Variants in FBXO8 observed in about 807,000 individuals in gnomAD.
FBXO8 encodes F-box protein 8.
A neutral mutation model predicts 33.4 loss-of-function variants in FBXO8; 15 were observed. The ratio of observed to expected loss-of-function variants is 0.45; its 90% confidence interval spans 0.30 to 0.69. The LOEUF is 0.69. Ranked by LOEUF, FBXO8 falls within the 30% of genes least tolerant of loss-of-function variation. FBXO8 has a pLI of 0.08. For missense variants in FBXO8, 274 were observed against 380.3 expected, an observed-to-expected ratio of 0.72 and a Z score of 2.32; for synonymous variants, 132 against 131.5, an observed-to-expected ratio of 1.00 and a Z score of -0.02.
At position 174,278,976 on chromosome 4, in the gene FBXO8, C is replaced by T. The variant is rs1028957895; in HGVS notation, c.-9+4434G>A. 2.0e-5 allele frequency among the ~76,000 whole-genome samples: 3 copies of T among 152,028 alleles called. No homozygotes were observed. The highest frequency in any genetic ancestry group is 7.2e-5 in the African/African-American group (3 of 41,416). On this transcript the variant is annotated intron_variant, in intron 1 of 5. Transcript: ENST00000393674. This position sits in a 1 kb window ranked among gnomAD's most constrained non-coding sequence, Gnocchi z 4.1. ...CACTAAAATTTTGAGGTCTCAGTTTCCTCCCCTGTAAAATAAGGGTTTTGA... is the reference window on the plus strand; with the variant it reads ...CACTAAAATTTTGAGGTCTCAGTTTTCTCCCCTGTAAAATAAGGGTTTTGA...
intron 3 of FBXO8, among the ~76,000 whole-genome samples, chr4:174,243,730 C>A (rs149979502): frequency 6.8e-4 from 103 of 151,156 alleles, no homozygotes; most frequent in African/African-American, 2.2e-3. Flanking sequence ...AGTGACTAGT[C>A]AGGACTAGAA....
At chr4:174,269,732 G>A (rs1229409164) in intron 1 of FBXO8, among the ~76,000 whole-genome samples, 1 of 150,710 alleles carries the variant, frequency 6.6e-6, no homozygotes, top group East Asian at 1.9e-4. Context: ...TGAAGATTTA[G>A]ATACTATTTA....
Position 174,262,805 on chromosome 4 carries a change from A to C in FBXO8, c.288T>G (p.Cys96Trp). Residue 96 changes from cysteine (C) to tryptophan (W), a missense_variant, in exon 2 of 6, where the codon TGT becomes TGG. Cys to Trp is a radical substitution (Grantham distance 215). Coordinates refer to ENST00000393674, the MANE Select transcript of FBXO8 (RefSeq NM_012180.3). The surrounding 1 kb of genome is among the most constrained non-coding windows in gnomAD (Gnocchi z 4.6). ...LNATDLCLAS[C>W]VWQDLANDEL... Reference sequence around the variant, plus strand: ...CATCATTCGCAAGGTCCTGCCAAACACATGAAGCCAAGCAAAGGTCAGTTG... The same window carrying C: ...CATCATTCGCAAGGTCCTGCCAAACCCATGAAGCCAAGCAAAGGTCAGTTG... The C allele has an allele frequency of 6.2e-7, 1 of 1,614,002 alleles. No individual in the cohort carries two copies. Among genetic ancestry groups the C allele is most frequent in the Non-Finnish European group, 8.5e-7 (1 of 1,179,908 alleles).
intron 3 of FBXO8, among the ~76,000 whole-genome samples, chr4:174,246,472 C>G (rs1454514776): frequency 6.6e-6 from 1 of 151,568 alleles, no homozygotes; most frequent in Non-Finnish European, 1.5e-5. Context: ...AGGCTGAAAT[C>G]CAAGAAGAAA....
At position 174,261,528 on chromosome 4, in the gene FBXO8, T is replaced by C. The variant is rs998284214; in HGVS notation, c.329+1236A>G. Among the ~76,000 whole-genome samples the C allele has an allele frequency of 1.3e-5, 2 of 151,986 alleles. No individual in the cohort carries two copies. Among genetic ancestry groups the C allele is most frequent in the Non-Finnish European group, 2.9e-5 (2 of 67,852 alleles). ...AATGTAGAAAAGAGATTAGAAAGAA[T>C]GAGCCAGTTTAAAAGTACTTTCATT... is the stretch of plus-strand genomic sequence containing the variant. On this transcript the variant is annotated intron_variant, in intron 2 of 5. Transcript: ENST00000393674. The surrounding 1 kb of genome is among the most constrained non-coding windows in gnomAD (Gnocchi z 4.1).
At chr4:174,242,420 A>G (rs752988989) in intron 3 of FBXO8, among the ~76,000 whole-genome samples, 17 of 151,604 alleles carry the variant, frequency 1.1e-4, no homozygotes, top group Non-Finnish European at 1.9e-4. Flanking sequence ...ATAATTATCT[A>G]TAAGTTGTAA....
intron 4 of FBXO8, among the ~76,000 whole-genome samples, chr4:174,240,450 C>T (rs902814308): frequency 2.0e-5 from 3 of 151,642 alleles, no homozygotes; most frequent in Admixed American, 1.3e-4. Context: ...TACATTAGCA[C>T]GAGAGCTATA....
chr4:174,269,808 A>G (rs577669853), intron 1 of FBXO8, among the ~76,000 whole-genome samples: 5 of 152,350 alleles, frequency 3.3e-5, no homozygotes, highest in African/African-American at 1.2e-4. Flanking sequence ...GAACTCCTTT[A>G]TAAATTGGAT....
In FBXO8 at chr4:174,265,379, C is replaced by T. The variant is rs1736671067; in HGVS notation, c.-8-2279G>A. ...ACCTAATTAAAAGCTTATGTCCACACAAAAACCTACACGTGAATGTTTAAA... is the reference window on the plus strand; with the variant it reads ...ACCTAATTAAAAGCTTATGTCCACATAAAAACCTACACGTGAATGTTTAAA... On this transcript the variant is annotated intron_variant, in intron 1 of 5. Transcript: ENST00000393674. This position sits in a 1 kb window ranked among gnomAD's most constrained non-coding sequence, Gnocchi z 4.7. 1.3e-5 allele frequency among the ~76,000 whole-genome samples: 2 copies of T among 151,642 alleles called. No individual in the cohort carries two copies. The highest frequency in any genetic ancestry group is 2.4e-5 in the African/African-American group (1 of 41,248).
rs993957008 is a variant in FBXO8 at position 174,278,998 on chromosome 4, T to C, written c.-9+4412A>G. On this transcript the variant is annotated intron_variant, in intron 1 of 5. Transcript: ENST00000393674. This position sits in a 1 kb window ranked among gnomAD's most constrained non-coding sequence, Gnocchi z 4.1. ...TTTCCTCCCCTGTAAAATAAGGGTT[T>C]TGAAACTGGTGTTCCCTAAGGTCTT... Among the ~76,000 whole-genome samples the C allele has an allele frequency of 6.6e-6, 1 of 152,040 alleles. No individual in the cohort carries two copies. Among genetic ancestry groups the C allele is most frequent in the Non-Finnish European group, 1.5e-5 (1 of 67,926 alleles).
chr4:174,276,284 C>A (rs1259184736), intron 1 of FBXO8, among the ~76,000 whole-genome samples: 1 of 152,160 alleles, frequency 6.6e-6, no homozygotes, highest in Non-Finnish European at 1.5e-5. Context: ...GTTGCCCAGG[C>A]TGGAGTGCAG....
At chr4:174,266,269 G>T (rs1179315276) in intron 1 of FBXO8, among the ~76,000 whole-genome samples, 1 of 152,046 alleles carries the variant, frequency 6.6e-6, no homozygotes, top group African/African-American at 2.4e-5. Flanking sequence ...ATAATAATGG[G>T]GAGGTTGGAG....
At chr4:174,268,731 C>G (rs956366312) in intron 1 of FBXO8, among the ~76,000 whole-genome samples, 1 of 152,158 alleles carries the variant, frequency 6.6e-6, no homozygotes, top group African/African-American at 2.4e-5. Flanking sequence ...CCACCGCGCC[C>G]GGCCGGGGGC....
chr4:174,263,083 C>T lies in FBXO8; in HGVS notation c.10G>A (p.Gly4Arg), dbSNP rs1579031199. The stretch of plus-strand genomic sequence containing the variant: ...TGGTTTCTGACCACTCTCCACAACC[C>T]TTGACCCATCTGCAAGCCTGGGAAA... The part of the protein sequence containing the change: MGQ[G>R]LWRVVRNQQL... Residue 4 changes from glycine to arginine, a missense_variant, in exon 2 of 6, where the codon GGG becomes AGG. Gly to Arg is a moderately radical substitution (Grantham distance 125, BLOSUM62 -2). Transcript: ENST00000393674. The surrounding 1 kb of genome is among the most constrained non-coding windows in gnomAD (Gnocchi z 4.2). 1.9e-6 allele frequency: 3 copies of T among 1,611,564 alleles called. No individual in the cohort carries two copies. Among genetic ancestry groups the T allele is most frequent in the South Asian group, 1.1e-5 (1 of 91,048 alleles).
Position 174,245,132 on chromosome 4 carries a change from G to T in FBXO8, c.457-3914C>A, listed in dbSNP as rs953220392. 2.6e-5 allele frequency among the ~76,000 whole-genome samples: 4 copies of T among 151,828 alleles called. No individual in the cohort carries two copies. The highest frequency in any genetic ancestry group is 5.9e-5 in the Non-Finnish European group (4 of 67,842). On this transcript the variant is annotated intron_variant, in intron 3 of 5. Transcript: ENST00000393674. This position sits in a 1 kb window ranked among gnomAD's most constrained non-coding sequence, Gnocchi z 4.6. The stretch of plus-strand genomic sequence containing the variant: ...GATAGACACTGAGTAGTGTAACACA[G>T]AGTTTTGCCCTAAGAAAATTTAAAG...
chr4:174,239,303 G>C (rs965506573), intron 4 of FBXO8, 113 bp from the exon 5 acceptor site: 2 of 551,256 alleles, frequency 3.6e-6, no homozygotes, highest in Non-Finnish European at 6.1e-6. Flanking sequence ...CTGATTACTA[G>C]ATCAGCTAAT....
rs1420932427 is a variant in FBXO8, at chr4:174,278,783, T to C, written c.-9+4627A>G. ...AAGTCATAATTCTCACTGAGTTGCT[T>C]TTATACAAATAAAACAAGGTATTAA... On this transcript the variant is annotated intron_variant, in intron 1 of 5. Coordinates refer to ENST00000393674, the MANE Select transcript of FBXO8 (RefSeq NM_012180.3). This position sits in a 1 kb window ranked among gnomAD's most constrained non-coding sequence, Gnocchi z 4.1. Among the ~76,000 whole-genome samples, 1 of 152,060 alleles carries C rather than the reference T, an allele frequency of 6.6e-6. No homozygotes were observed. The highest frequency in any genetic ancestry group is 1.9e-4 in the East Asian group (1 of 5,192).
rs985850726 is a variant in FBXO8 at position 174,278,539 on chromosome 4, T to C, written c.-9+4871A>G. Among the ~76,000 whole-genome samples the C allele has an allele frequency of 3.9e-5, 6 of 152,128 alleles. No individual in the cohort carries two copies. In the East Asian group the frequency reaches 1.2e-3, roughly 29 times the overall value. On this transcript the variant is annotated intron_variant, in intron 1 of 5. Coordinates refer to ENST00000393674, the MANE Select transcript of FBXO8 (RefSeq NM_012180.3). The surrounding 1 kb of genome is among the most constrained non-coding windows in gnomAD (Gnocchi z 4.1). ...TTCAAGAAATGCTCCATTGTCCAAC[T>C]ATTTGAAACTTTAAAATAAATGTAT... is the stretch of plus-strand genomic sequence containing the variant.
intron 1 of FBXO8, among the ~76,000 whole-genome samples, chr4:174,269,639 T>C (rs1274061243): frequency 6.7e-6 from 1 of 148,664 alleles, no homozygotes; most frequent in Non-Finnish European, 1.5e-5. Context: ...GAGCCGAGAA[T>C]GTGGCACTCC....
Sources: allele counts gnomAD v4.1 joint callset (sites outside exome capture counted in the v4.1 genomes callset), GRCh38; gene constraint gnomAD v4.1.1; non-coding constraint Gnocchi (gnomAD v3.1); transcripts MANE v1.5; gene names NCBI Gene and HGNC (gene_info 2026-07-23, HGNC 2026-07-21).